The following SYNE2 variants were observed in gnomAD, a reference collection of about 807,000 sequenced individuals.
SYNE2 encodes nesprin-2.
Under a neutral mutation model 856.3 loss-of-function variants are expected in SYNE2, and 431 were observed. That is an observed-to-expected ratio of 0.50 (90% confidence interval 0.47 to 0.55). SYNE2 has a LOEUF of 0.55. Ranked by LOEUF, SYNE2 falls within the 20% of genes least tolerant of loss-of-function variation. The probability of loss-of-function intolerance (pLI) is 0.00; values close to 1 mark genes in which losing one functional copy is unlikely to be tolerated. For synonymous variants in SYNE2, 2,923 were observed against 2,872.3 expected (o/e 1.02, Z -0.56); for missense variants, 8,129 against 8,023.2 (o/e 1.01, Z -0.50).
chr14:63,806,934 C>T (rs1888383476), intron 1 of SYNE2, among the ~76,000 whole-genome samples: 1 of 151,368 alleles, frequency 6.6e-6, no homozygotes, highest in African/African-American at 2.4e-5. Context: ...AGGCTGGTTC[C>T]AAACTCCTGG....
At chr14:64,221,781 C>A (rs944316091) in intron 112 of SYNE2, 77 bp downstream of exon 112, 3 of 1,547,840 alleles carry the variant, frequency 1.9e-6, no homozygotes, top group Non-Finnish European at 2.7e-6. Flanking sequence ...CAGGTAGCCT[C>A]GCCTAGTATT....
chr14:63,950,354 G>A (rs2096131537), intron 7 of SYNE2, among the ~76,000 whole-genome samples: 2 of 152,258 alleles, frequency 1.3e-5, no homozygotes, highest in African/African-American at 4.8e-5. Context: ...AGGAGTTCGA[G>A]ACCAGCCTGG....
intron 1 of SYNE2, 110 bp from the exon 2 acceptor site, chr14:63,908,988 A>C: frequency 1.5e-6 from 1 of 677,670 alleles, no homozygotes; most frequent in South Asian, 1.6e-5. Flanking sequence ...GTAGAAAGCC[A>C]TACTTGTTTT....
At chr14:64,103,624 G>A (rs554253211) in intron 64 of SYNE2, among the ~76,000 whole-genome samples, 16 of 151,984 alleles carry the variant, frequency 1.1e-4, no homozygotes, top group Non-Finnish European at 1.5e-4. Flanking sequence ...AATCATTGGC[G>A]CCATTCTCTG....
chr14:64,177,953 G>C (rs1208104088), intron 96 of SYNE2, among the ~76,000 whole-genome samples: 1 of 152,136 alleles, frequency 6.6e-6, no homozygotes, highest in Non-Finnish European at 1.5e-5. Context: ...TACCACACTA[G>C]CAAAACTTCC....
chr14:64,161,065 C>T (rs1376018851), intron 87 of SYNE2, among the ~76,000 whole-genome samples: 1 of 151,988 alleles, frequency 6.6e-6, no homozygotes, highest in Non-Finnish European at 1.5e-5. Context: ...TTAAATGGGC[C>T]AGGCATAGTG....
At position 64,128,541 on chromosome 14, in the gene SYNE2, T is replaced by A; in HGVS notation, c.14007T>A (p.Ala4669=). 1 of 1,604,136 alleles carries A rather than the reference T, an allele frequency of 6.2e-7. No homozygotes were observed. Among genetic ancestry groups the A allele is most frequent in the Non-Finnish European group, 8.5e-7 (1 of 1,170,852 alleles). The change falls in exon 74 of 116, where the codon GCT becomes GCA. Residue 4669 remains alanine, a synonymous_variant. Transcript: ENST00000555002. ...SLNEISGQSV[A]EQLQKADAYT... is the part of the protein sequence containing the mutation. ...ATGAAATCAGTGGGCAGAGTGTTGC[T>A]GAACAGCTTCAGGTAATCAAGTCAA...
chr14:64,087,085 A>G (rs1208296457), intron 57 of SYNE2, among the ~76,000 whole-genome samples: 1 of 66,298 alleles, frequency 1.5e-5, no homozygotes, highest in Non-Finnish European at 3.1e-5. Flanking sequence ...GTTGTCAGTG[A>G]TAATTGGTAA....
At chr14:64,008,311 C>G (rs1449263252) in intron 31 of SYNE2, among the ~76,000 whole-genome samples, 2 of 152,180 alleles carry the variant, frequency 1.3e-5, no homozygotes, top group African/African-American at 2.4e-5. Flanking sequence ...TCCCTTTTGC[C>G]TTGTGAGGTA....
At chr14:63,812,442 T>A (rs1017847859) in intron 1 of SYNE2, among the ~76,000 whole-genome samples, 2 of 152,236 alleles carry the variant, frequency 1.3e-5, no homozygotes, top group Non-Finnish European at 2.9e-5. Context: ...ACACACGTTT[T>A]ACAATCAATT....
intron 1 of SYNE2, among the ~76,000 whole-genome samples, chr14:63,792,706 G>A (rs975658233): frequency 2.6e-5 from 4 of 151,518 alleles, no homozygotes; most frequent in Non-Finnish European, 2.9e-5. Flanking sequence ...TTGCTCTCTC[G>A]CCAAGGTTGG....
At chr14:64,141,626 A>G (rs929283642) in intron 81 of SYNE2, 103 bp downstream of exon 81, 4 of 1,271,242 alleles carry the variant, frequency 3.1e-6, no homozygotes, top group African/African-American at 1.5e-5. Context: ...GACACTACCT[A>G]TTTTTCTCTG....
intron 107 of SYNE2, 108 bp downstream of exon 107, chr14:64,215,462 T>C (rs2098661833): frequency 4.6e-6 from 5 of 1,077,490 alleles, no homozygotes; most frequent in Admixed American, 3.4e-5. Context: ...GTGGACACCA[T>C]GCGCCTTGGT....
intron 1 of SYNE2, among the ~76,000 whole-genome samples, chr14:63,787,500 C>T (rs1172771330): frequency 6.6e-6 from 1 of 152,184 alleles, no homozygotes; most frequent in African/African-American, 2.4e-5. Context: ...TCTTATCCTG[C>T]ATCCAGGAAG....
intron 79 of SYNE2, among the ~76,000 whole-genome samples, chr14:64,138,797 T>A (rs2098116140): frequency 1.3e-5 from 2 of 152,202 alleles, no homozygotes; most frequent in Non-Finnish European, 2.9e-5. Context: ...TCTAAGGCAG[T>A]TTAAAAGTTA....
intron 11 of SYNE2, among the ~76,000 whole-genome samples, chr14:63,973,397 C>G (rs533018722): frequency 1.3e-5 from 2 of 151,690 alleles, no homozygotes; most frequent in Non-Finnish European, 2.9e-5. Context: ...TTTGGGAGGC[C>G]GAGGCGGGCG....
intron 71 of SYNE2, 60 bp downstream of exon 71, chr14:64,125,270 T>C: frequency 1.2e-6 from 2 of 1,606,744 alleles, no homozygotes; most frequent in Non-Finnish European, 1.7e-6. Flanking sequence ...GGAGATATCA[T>C]CATTGTGACT....
At position 64,017,674 on chromosome 14, in the gene SYNE2, A is replaced by G. The variant is rs1012379516; in HGVS notation, c.4967A>G (p.Asn1656Ser). 4 of 1,613,602 alleles carry G rather than the reference A, an allele frequency of 2.5e-6. No individual in the cohort carries two copies. The Admixed American group carries it at 6.7e-5, about 27-fold the overall frequency. ...TGGGACAAACTTTTTAACTTAAAAAATGTCATTGATGAGTGGACAGAAAAG... is the reference window on the plus strand; with the variant it reads ...TGGGACAAACTTTTTAACTTAAAAAGTGTCATTGATGAGTGGACAGAAAAG... ...ALWDKLFNLK[N>S]VIDEWTEKAL... is the part of the protein sequence containing the mutation. The change falls in exon 34 of 116, where the codon AAT becomes AGT. Residue 1656 changes from asparagine (N) to serine (S), a missense_variant. This residue lies in a region of SYNE2 where 2,422 missense variants were observed against 2,357.4 expected (regional missense o/e 1.03). Coordinates refer to ENST00000555002, the MANE Select transcript of SYNE2 (RefSeq NM_182914.3).
In SYNE2 at chr14:64,002,844, A is replaced by G; in HGVS notation, c.3911A>G (p.Tyr1304Cys). The G allele has an allele frequency of 6.2e-7, 1 of 1,614,188 alleles. No individual in the cohort carries two copies. The change falls in exon 30 of 116, where the codon TAC becomes TGC. Residue 1304 changes from tyrosine to cysteine, a missense_variant. This residue lies in a region of SYNE2 where 2,422 missense variants were observed against 2,357.4 expected (regional missense o/e 1.03). Coordinates refer to ENST00000555002, the MANE Select transcript of SYNE2 (RefSeq NM_182914.3). ...LHAMQNIILK[Y>C]KTQFEGMNHR... is the part of the protein sequence containing the mutation. ...GCAATGCAGAATATTATACTGAAAT[A>G]CAAAACACAATTTGAAGGAATGAAC... is the stretch of plus-strand genomic sequence containing the variant.
Sources: gnomAD v4.1 joint callset for allele counts (sites outside exome capture counted in the v4.1 genomes callset) on GRCh38, gnomAD v4.1.1 for gene constraint, gnomAD v4.1.1 regional missense constraint, MANE v1.5 for transcripts, NCBI Gene and HGNC (gene_info 2026-07-23, HGNC 2026-07-21) for gene names.